TRPM1: variants seen among roughly 807,000 people sequenced by gnomAD.
TRPM1 encodes transient receptor potential cation channel subfamily M member 1, also known as TRPM1-203 APA Isoform, Intron 10.
In TRPM1, 113 loss-of-function variants were observed where a neutral mutation model predicts 149.4. The ratio of observed to expected loss-of-function variants is 0.76; its 90% confidence interval spans 0.65 to 0.88. The LOEUF is 0.88. Among genes scored for constraint, TRPM1 ranks in the 40% least tolerant of loss-of-function variants. The probability of loss-of-function intolerance (pLI) is 0.00; values close to 1 mark genes in which losing one functional copy is unlikely to be tolerated. For missense variants in TRPM1, 1,976 were observed against 2,038.7 expected (o/e 0.97, Z 0.59); for synonymous variants, 741 against 759.5 (o/e 0.98, Z 0.40).
At chr15:31,139,559 T>G (rs2036132033) in intron 1 of TRPM1, among the ~76,000 whole-genome samples, 1 of 152,244 alleles carries the variant, frequency 6.6e-6, no homozygotes, top group African/African-American at 2.4e-5. Context: ...AAGAAAAAGT[T>G]AGCACTTAAA....
At chr15:31,093,642 C>A (rs112256405) in intron 1 of TRPM1, among the ~76,000 whole-genome samples, 7 of 151,790 alleles carry the variant, frequency 4.6e-5, no homozygotes, top group Middle Eastern at 3.4e-3. Flanking sequence ...TGCTCTGTTG[C>A]CCAGGCTGGA....
chr15:31,126,272 CAAG>C (rs746852712), intron 1 of TRPM1, among the ~76,000 whole-genome samples: 1 of 152,124 alleles, frequency 6.6e-6, no homozygotes, highest in Non-Finnish European at 1.5e-5. Context: ...ATAACAAATT[CAAG>C]AAGGATACAG....
intron 1 of TRPM1, among the ~76,000 whole-genome samples, chr15:31,158,626 CAAAAA>C (rs749062439): frequency 1.7e-5 from 1 of 59,794 alleles, no homozygotes; most frequent in Non-Finnish European, 3.1e-5. Context: ...GACTCCATCT[CAAAAA>C]AAAAAAAAAA....
At chr15:31,084,439 C>G (rs1267045490) in intron 1 of TRPM1, among the ~76,000 whole-genome samples, 1 of 152,138 alleles carries the variant, frequency 6.6e-6, no homozygotes, top group Non-Finnish European at 1.5e-5. Flanking sequence ...TCTGGGCACT[C>G]TATATGAATG....
chr15:31,016,962 TAC>T lies in TRPM1; in HGVS notation c.3629+9175_3629+9176del, dbSNP rs36176052. ...CCCTAATCAGTCTCAAAACCTGGCG[TAC>T]ACACACACACACACACACACACACA... On this transcript the variant is annotated intron_variant, in intron 27 of 27. Transcript: ENST00000256552. 9.5e-3 allele frequency among the ~76,000 whole-genome samples: 851 copies of T among 89,376 alleles called. 14 individuals are homozygous for T. Among genetic ancestry groups the T allele is most frequent in the African/African-American group, 0.03 (760 of 25,506 alleles). 58.6% of individuals were successfully genotyped at this position (89,376 alleles called of 152,430 possible). A position where few individuals can be genotyped will look rare whatever the true frequency, so the allele number is the denominator to read the frequency against.
intron 27 of TRPM1, among the ~76,000 whole-genome samples, chr15:31,009,908 T>A (rs1361489926): frequency 6.6e-6 from 1 of 152,250 alleles, no homozygotes; most frequent in African/African-American, 2.4e-5. Context: ...ATTCTTTCTC[T>A]GAGACTTTCT....
chr15:31,020,067 A>T (rs983935912), intron 27 of TRPM1, among the ~76,000 whole-genome samples: 2 of 152,252 alleles, frequency 1.3e-5, no homozygotes, highest in African/African-American at 4.8e-5. Flanking sequence ...TTCTAGCTGT[A>T]TGCTGCCTCA....
At chr15:31,017,179 G>A (rs563559410) in intron 27 of TRPM1, among the ~76,000 whole-genome samples, 5 of 152,084 alleles carry the variant, frequency 3.3e-5, no homozygotes, top group Admixed American at 2.0e-4. Context: ...GGTGGCGTGC[G>A]TCTGTAGTCC....
intron 25 of TRPM1, 28 bp downstream of exon 25, chr15:31,028,303 AG>A: frequency 6.2e-7 from 1 of 1,614,012 alleles, no homozygotes. Flanking sequence ...ATAAATAATA[AG>A]CATGTGGTCA....
chr15:31,101,457 C>T (rs138338517), intron 1 of TRPM1, among the ~76,000 whole-genome samples, 200 bp downstream of exon 1: 127 of 152,328 alleles, frequency 8.3e-4, no homozygotes, highest in African/African-American at 2.9e-3. Context: ...GAGTAACAGG[C>T]CCCAGAAAGC....
intron 1 of TRPM1, among the ~76,000 whole-genome samples, chr15:31,149,451 T>G (rs1478812418): frequency 1.3e-5 from 2 of 151,794 alleles, no homozygotes; most frequent in African/African-American, 4.8e-5. Context: ...CCTGAGCCTT[T>G]GAGGATAAAC....
In TRPM1 at chr15:31,058,323, G is replaced by C. The variant is rs541421034; in HGVS notation, c.1263+2221C>G. On this transcript the variant is annotated intron_variant, in intron 11 of 27. Coordinates refer to ENST00000256552, the MANE Select transcript of TRPM1 (RefSeq NM_001252024.2). ...GTCCAAATATGAAGGAAATTAAAGTGTCACCTAATTTTAAATAGTTGGTGA... is the reference window on the plus strand; with the variant it reads ...GTCCAAATATGAAGGAAATTAAAGTCTCACCTAATTTTAAATAGTTGGTGA... Among the ~76,000 whole-genome samples the C allele has an allele frequency of 9.9e-4, 151 of 152,308 alleles. 1 individual carries two copies. The highest frequency in any genetic ancestry group is 3.6e-3 in the African/African-American group (149 of 41,568).
At chr15:31,026,801 G>T in intron 26 of TRPM1, 114 bp downstream of exon 26, 1 of 1,084,804 alleles carries the variant, frequency 9.2e-7, no homozygotes, top group Non-Finnish European at 1.4e-6. Context: ...CAGTTGGACT[G>T]AGTGTGGTGC....
intron 1 of TRPM1, among the ~76,000 whole-genome samples, chr15:31,133,556 G>C (rs7180118): frequency 0.014 from 2,189 of 152,182 alleles, 50 homozygotes; most frequent in African/African-American, 0.049. Flanking sequence ...ATGGCACATG[G>C]CTGTAGTCCC....
chr15:31,105,433 CTCTGTGTGTGTGTGTGTGTGTG>C (rs1321874599), upstream of TRPM1, among the ~76,000 whole-genome samples: 2 of 109,870 alleles, frequency 1.8e-5, no homozygotes. Context: ...AGCTGTGTGT[CTCTGTGTGTGTGTGTGTGTGTG>C]TGTGTGTGTG....
chr15:31,035,799 TGA>T, intron 20 of TRPM1, 125 bp from the exon 21 acceptor site: 1 of 1,410,750 alleles, frequency 7.1e-7, no homozygotes, highest in South Asian at 1.2e-5. Flanking sequence ...ACTGACTCAT[TGA>T]GAGGAAACCT....
chr15:31,005,395 A>G (rs1409156468), intron 27 of TRPM1, among the ~76,000 whole-genome samples: 1 of 152,142 alleles, frequency 6.6e-6, no homozygotes, highest in African/African-American at 2.4e-5. Flanking sequence ...CATATATGAA[A>G]AACAAACCTC....
chr15:31,160,912 C>T (rs773046362), exon 1 of TRPM1: 15 of 1,535,396 alleles, frequency 9.8e-6, no homozygotes, highest in East Asian at 4.9e-5. Context: ...TCACCTTCTG[C>T]GACCCTGATG....
intron 27 of TRPM1, among the ~76,000 whole-genome samples, chr15:31,014,407 C>CT (rs1305471212): frequency 6.6e-6 from 1 of 152,150 alleles, no homozygotes; most frequent in Non-Finnish European, 1.5e-5. Flanking sequence ...ATATGAGATT[C>CT]TTTCTGCTCC....
Sources: gnomAD v4.1 joint callset for allele counts (sites outside exome capture counted in the v4.1 genomes callset) on GRCh38, gnomAD v4.1.1 for gene constraint, MANE v1.5 for transcripts, NCBI Gene and HGNC (gene_info 2026-07-23, HGNC 2026-07-21) for gene names.